TSNAX: variants seen among roughly 807,000 people sequenced by gnomAD.
The protein encoded by TSNAX is translin associated factor X.
A neutral mutation model predicts 33.0 loss-of-function variants in TSNAX; 12 were observed. The ratio of observed to expected loss-of-function variants is 0.36; its 90% CI spans 0.23 to 0.59. The LOEUF (loss-of-function observed/expected upper bound fraction) is 0.59, where lower values mean the gene tolerates loss of function less well. Among genes scored for constraint, TSNAX ranks in the 20% least tolerant of loss-of-function variants. The probability of loss-of-function intolerance (pLI) is 0.74; values close to 1 mark genes in which losing one functional copy is unlikely to be tolerated. For missense variants in TSNAX, 267 were observed against 341.3 expected, an observed-to-expected ratio of 0.78 and a Z score of 1.72; for synonymous variants, 110 against 117.2, an observed-to-expected ratio of 0.94 and a Z score of 0.40.
chr1:231,548,239 G>A (rs984499454), intron 4 of TSNAX, among the ~76,000 whole-genome samples: 5 of 152,142 alleles, frequency 3.3e-5, no homozygotes, highest in Admixed American at 2.0e-4. Flanking sequence ...CAGATACAAA[G>A]GGCCCTTATA....
At chr1:231,561,883 G>A (rs1460217429) in intron 5 of TSNAX, among the ~76,000 whole-genome samples, 3 of 152,142 alleles carry the variant, frequency 2.0e-5, no homozygotes, top group Admixed American at 6.5e-5. Flanking sequence ...CACCTGACAC[G>A]GAAGTGCTCA....
At chr1:231,562,620 G>T (rs1004047914) in intron 5 of TSNAX, among the ~76,000 whole-genome samples, 2 of 152,118 alleles carry the variant, frequency 1.3e-5, no homozygotes, top group Non-Finnish European at 2.9e-5. Context: ...GAAAAGGCCA[G>T]AAAATTGAGA....
intron 2 of TSNAX, 117 bp from the exon 3 acceptor site, chr1:231,537,096 G>T (rs1157411629): frequency 1.5e-6 from 1 of 649,596 alleles, no homozygotes; most frequent in South Asian, 2.1e-5. Context: ...CTCCCAAAGT[G>T]CTGAGATTAC....
chr1:231,545,384 T>C (rs1387733697), intron 4 of TSNAX, among the ~76,000 whole-genome samples: 2 of 152,196 alleles, frequency 1.3e-5, no homozygotes. Flanking sequence ...TTGTGTGAGC[T>C]CAAACATTGA....
intron 2 of TSNAX, 115 bp from the exon 3 acceptor site, chr1:231,537,098 T>C (rs1659230979): frequency 3.0e-6 from 2 of 662,672 alleles, no homozygotes; most frequent in Middle Eastern, 4.1e-4. Flanking sequence ...CCCAAAGTGC[T>C]GAGATTACAG....
intron 4 of TSNAX, among the ~76,000 whole-genome samples, chr1:231,545,577 T>A (rs912230612): frequency 1.3e-5 from 2 of 152,066 alleles, no homozygotes; most frequent in African/African-American, 4.8e-5. Context: ...TGTTGAAAAA[T>A]TAACAGTTTG....
chr1:231,565,526 C>T lies in TSNAX; in HGVS notation c.*621C>T, dbSNP rs537770485. 1 of 152,288 alleles carries T rather than the reference C, an allele frequency of 6.6e-6. No homozygotes were observed. The highest frequency in any genetic ancestry group is 1.5e-5 in the Non-Finnish European group (1 of 68,160). 9.4% of individuals were successfully genotyped at this position (152,288 alleles called of 1,614,324 possible). Reference sequence around the variant, plus strand: ...AGATCACGAGGTCAAGAGATCAAGACCAGCCTGACCAACGTGGCGAAACCT... The same window carrying T: ...AGATCACGAGGTCAAGAGATCAAGATCAGCCTGACCAACGTGGCGAAACCT... On this transcript the variant is annotated 3_prime_UTR_variant, in exon 6 of 6. Transcript: ENST00000366639.
chr1:231,530,823 G>C (rs2124871751), intron 2 of TSNAX, among the ~76,000 whole-genome samples: 1 of 152,116 alleles, frequency 6.6e-6, no homozygotes, highest in East Asian at 1.9e-4. Context: ...GGAACGCGGA[G>C]GTTGCAGTGA....
chr1:231,564,501 T>TGTGTG, intron 5 of TSNAX, 27 bp from the exon 6 acceptor site: 2 of 1,403,070 alleles, frequency 1.4e-6, no homozygotes, highest in Non-Finnish European at 1.9e-6. Context: ...GTGTGTGTGT[T>TGTGTG]TTTGTTTTGT....
At chr1:231,556,300 C>T (rs1050395284) in intron 4 of TSNAX, among the ~76,000 whole-genome samples, 3 of 152,196 alleles carry the variant, frequency 2.0e-5, no homozygotes, top group African/African-American at 7.2e-5. Context: ...TACTAGATGC[C>T]ATGATCTTGA....
Position 231,537,307 on chromosome 1 carries a change from TCTC to T in TSNAX, c.221_223del (p.Leu74del). ...CTGTTGAAAGTAAAAGGACAATTTT[TCTC>T]CTCCATAGGATTACAAGGTGAGTAA... On this transcript the variant is annotated inframe_deletion, in exon 3 of 6. Transcript: ENST00000366639. 6.2e-7 allele frequency: 1 copy of T among 1,612,136 alleles called. No individual in the cohort carries two copies. Among genetic ancestry groups the T allele is most frequent in the Non-Finnish European group, 8.5e-7 (1 of 1,178,552 alleles).
At chr1:231,537,411 A>G (rs1659252399) in intron 3 of TSNAX, 84 bp downstream of exon 3, 3 of 867,258 alleles carry the variant, frequency 3.5e-6, no homozygotes, top group South Asian at 1.7e-5. Flanking sequence ...AGAAGACATC[A>G]GCAGTAGGTA....
chr1:231,538,278 T>TA (rs1228258434), intron 3 of TSNAX, among the ~76,000 whole-genome samples: 5 of 152,174 alleles, frequency 3.3e-5, no homozygotes, highest in Non-Finnish European at 5.9e-5. Context: ...AAATTAATTA[T>TA]AAAAAAAGCC....
Position 231,564,926 on chromosome 1 carries a change from C to T in TSNAX, c.*21C>T, listed in dbSNP as rs939938397. ...CTTAGAATCTAACGTTACTCAGTTA[C>T]TAATTCTTTTGAGAACTCCTAAGAG... On this transcript the variant is annotated 3_prime_UTR_variant, in exon 6 of 6. Coordinates refer to ENST00000366639, the MANE Select transcript of TSNAX (RefSeq NM_005999.3). 2.5e-6 allele frequency: 4 copies of T among 1,602,288 alleles called. No individual in the cohort carries two copies. The African/African-American group carries it at 4.0e-5, about 16-fold the overall frequency.
rs748116635 is a variant in TSNAX, at chr1:231,537,235, A to C, written c.144A>C (p.Ala48=). The C allele has an allele frequency of 6.2e-6, 10 of 1,612,492 alleles. 1 individual carries two copies. ...TAGCATTTCAGCAGGAACTTGATGCAAGGCATGACAAATATGAGAGACTTG... is the reference window on the plus strand; with the variant it reads ...TAGCATTTCAGCAGGAACTTGATGCCAGGCATGACAAATATGAGAGACTTG... ...AFKSFQQELD[A]RHDKYERLVK... is the part of the protein sequence containing the mutation. Residue 48 remains alanine, a synonymous_variant, in exon 3 of 6, where the codon GCA becomes GCC. Coordinates refer to ENST00000366639, the MANE Select transcript of TSNAX (RefSeq NM_005999.3).
intron 1 of TSNAX, 135 bp downstream of exon 1, chr1:231,528,961 T>C: frequency 8.2e-7 from 1 of 1,223,756 alleles, no homozygotes; most frequent in Non-Finnish European, 1.2e-6. Context: ...CCTCTGTTTC[T>C]CTCCCCGGCC....
intron 2 of TSNAX, among the ~76,000 whole-genome samples, chr1:231,530,039 G>A (rs892160444): frequency 6.6e-6 from 1 of 152,172 alleles, no homozygotes; most frequent in African/African-American, 2.4e-5. Context: ...TAGGCCTTTT[G>A]CCTGCAACCA....
chr1:231,535,925 T>A (rs910516984), intron 2 of TSNAX: 1 of 152,248 alleles, frequency 6.6e-6, no homozygotes, highest in African/African-American at 2.4e-5. Context: ...AGATTAATTC[T>A]ATGTGGAAGT....
Position 231,529,289 on chromosome 1 carries a change from T to C in TSNAX, c.51T>C (p.Asn17=). The change falls in exon 2 of 6, where the codon AAT becomes AAC. Residue 17 remains asparagine, a synonymous_variant. Coordinates refer to ENST00000366639, the MANE Select transcript of TSNAX (RefSeq NM_005999.3). The part of the protein sequence containing the change: ...SGGFRKRKHD[N]FPHNQRREGK... ...GGTTCAGGAAAAGGAAGCATGACAA[T>C]TTCCCACATAACCAAAGAAGAGAAG... 6.2e-7 allele frequency: 1 copy of C among 1,614,158 alleles called. No individual in the cohort carries two copies. The highest frequency in any genetic ancestry group is 8.5e-7 in the Non-Finnish European group (1 of 1,180,032).
Sources: allele counts gnomAD v4.1 joint callset (sites outside exome capture counted in the v4.1 genomes callset), GRCh38; gene constraint gnomAD v4.1.1; transcripts MANE v1.5; gene names NCBI Gene and HGNC (gene_info 2026-07-23, HGNC 2026-07-21).